The following RRP9 variants were observed in gnomAD, a reference collection of about 807,000 sequenced individuals.
RRP9 encodes the protein U3 small nucleolar RNA-interacting protein 2.
In RRP9, 35 loss-of-function variants were observed where a neutral mutation model predicts 65.5. The ratio of observed to expected loss-of-function variants is 0.53; its 90% CI spans 0.41 to 0.71. The LOEUF is 0.71. RRP9 is among the 30% of genes least tolerant of loss of function. RRP9 has a pLI of 0.00. For synonymous variants in RRP9, 254 were observed against 245.0 expected (o/e 1.04, Z -0.34); for missense variants, 533 against 633.6 (o/e 0.84, Z 1.70).
chr3:51,938,697 G>C (rs534768063), intron 2 of RRP9, among the ~76,000 whole-genome samples: 3 of 152,306 alleles, frequency 2.0e-5, no homozygotes, highest in South Asian at 2.1e-4. Context: ...TTTTTCTTTA[G>C]GAAGGATAGA....
chr3:51,941,881 C>A lies in RRP9; in HGVS notation c.-14G>T, dbSNP rs747694297. ...TGTTGCCGACATGCTGCCCACCAGGCGTGTAGCAGCGGCCGCAGAACTCAC... is the reference window on the plus strand; with the variant it reads ...TGTTGCCGACATGCTGCCCACCAGGAGTGTAGCAGCGGCCGCAGAACTCAC... On this transcript the variant is annotated 5_prime_UTR_variant, in exon 1 of 15. Transcript: ENST00000232888. 9.6e-6 allele frequency: 15 copies of A among 1,564,930 alleles called. No individual in the cohort carries two copies. In the Admixed American group the frequency reaches 1.4e-4, roughly 15 times the overall value.
intron 3 of RRP9, 65 bp downstream of exon 3, chr3:51,938,030 A>C: frequency 7.6e-7 from 1 of 1,313,268 alleles, no homozygotes; most frequent in Admixed American, 2.2e-5. Flanking sequence ...CTGGGGCTGC[A>C]GCGGCGGGCA....
rs1431747774 is a variant in RRP9, at chr3:51,937,429, C to T, written c.391-111G>A. The T allele has an allele frequency of 1.2e-6, 2 of 1,605,608 alleles. No individual in the cohort carries two copies. The highest frequency in any genetic ancestry group is 1.7e-5 in the Admixed American group (1 of 59,930). On this transcript the variant is annotated intron_variant, in intron 5 of 14. Transcript: ENST00000232888. This position sits in a 1 kb window ranked among gnomAD's most constrained non-coding sequence, Gnocchi z 5.0. ...CACCCAGGCCAGAAGGAAAACAAGACCCAAGGCTACAACAACCAGATCCTT... is the reference window on the plus strand; with the variant it reads ...CACCCAGGCCAGAAGGAAAACAAGATCCAAGGCTACAACAACCAGATCCTT...
At chr3:51,936,077 T>C (rs1455012613) in intron 8 of RRP9, among the ~76,000 whole-genome samples, 180 bp downstream of exon 8, 1 of 151,980 alleles carries the variant, frequency 6.6e-6, no homozygotes, top group Non-Finnish European at 1.5e-5. Context: ...CTCGGCCCGG[T>C]CTCCCCCAGC....
In RRP9 at chr3:51,933,496, G is replaced by A. The variant is rs1006915403; in HGVS notation, c.*10C>T. Reference sequence around the variant, plus strand: ...GCCTGGGAAGGACTTAAATAAGGAGGATAAGAGTGTCAGGAACCAGCAGCT... The same window carrying A: ...GCCTGGGAAGGACTTAAATAAGGAGAATAAGAGTGTCAGGAACCAGCAGCT... On this transcript the variant is annotated 3_prime_UTR_variant, in exon 15 of 15. Transcript: ENST00000232888. 3.7e-6 allele frequency: 6 copies of A among 1,609,192 alleles called. No homozygotes were observed. The highest frequency in any genetic ancestry group is 2.2e-5 in the East Asian group (1 of 44,844).
At chr3:51,935,288 C>A in intron 10 of RRP9, 29 bp from the exon 11 acceptor site, 1 of 1,614,130 alleles carries the variant, frequency 6.2e-7, no homozygotes, top group Non-Finnish European at 8.5e-7. Context: ...AGGAGCGTGG[C>A]CCAAGCCCAC....
intron 13 of RRP9, among the ~76,000 whole-genome samples, 197 bp from the exon 14 acceptor site, chr3:51,933,978 CG>C (rs1699421766): frequency 6.6e-6 from 1 of 152,172 alleles, no homozygotes; most frequent in African/African-American, 2.4e-5. Flanking sequence ...AAGCAGAGCA[CG>C]GGGCTAGCAG....
At chr3:51,941,639 C>T (rs1477007852) in intron 1 of RRP9, 142 bp downstream of exon 1, 2 of 1,094,482 alleles carry the variant, frequency 1.8e-6, no homozygotes, top group African/African-American at 3.1e-5. Context: ...AGGATTTGGC[C>T]CGCGGAGAGA....
rs1368669243 is a variant in RRP9 at position 51,941,864 on chromosome 3, A to G, written c.4T>C (p.Ser2Pro). The part of the protein sequence containing the change: M[S>P]ATAAARKRGK... ...CGCTTACGAGCAGCCGCTGTTGCCG[A>G]CATGCTGCCCACCAGGCGTGTAGCA... is the stretch of plus-strand genomic sequence containing the variant. Residue 2 changes from serine (S) to proline (P), a missense_variant, in exon 1 of 15, where the codon TCG becomes CCG. Transcript: ENST00000232888. 6 of 1,580,618 alleles carry G rather than the reference A, an allele frequency of 3.8e-6. No homozygotes were observed. Among genetic ancestry groups the G allele is most frequent in the Non-Finnish European group, 3.4e-6 (4 of 1,171,298 alleles).
intron 10 of RRP9, 35 bp from the exon 11 acceptor site, chr3:51,935,294 C>T (rs370277390): frequency 1.9e-5 from 31 of 1,613,992 alleles, no homozygotes; most frequent in Non-Finnish European, 2.5e-5. Context: ...GTGGCCCAAG[C>T]CCACCCCCAG....
At chr3:51,939,936 C>G (rs1577652512) in intron 2 of RRP9, among the ~76,000 whole-genome samples, 2 of 152,340 alleles carry the variant, frequency 1.3e-5, no homozygotes, top group African/African-American at 4.8e-5. Context: ...GGCACACACT[C>G]ACCCACAATA....
At chr3:51,935,977 C>T (rs1317010701) in intron 8 of RRP9, among the ~76,000 whole-genome samples, 3 of 152,176 alleles carry the variant, frequency 2.0e-5, no homozygotes, top group East Asian at 1.9e-4. Context: ...TCCTCCATCT[C>T]GGCCTCCCAA....
At chr3:51,936,772 A>G (rs577010026) in intron 6 of RRP9, among the ~76,000 whole-genome samples, 16 of 152,296 alleles carry the variant, frequency 1.1e-4, no homozygotes, top group Non-Finnish European at 1.8e-4. Context: ...AAAGCCCAAA[A>G]AAGAGAAGGG....
intron 13 of RRP9, 48 bp from the exon 14 acceptor site, chr3:51,933,829 C>G (rs746849784): frequency 6.4e-7 from 1 of 1,556,254 alleles, no homozygotes; most frequent in Non-Finnish European, 8.9e-7. Context: ...CCCCCGCCAC[C>G]ACCGTCCTCA....
chr3:51,938,277 T>G, intron 2 of RRP9, 73 bp from the exon 3 acceptor site: 1 of 1,127,810 alleles, frequency 8.9e-7, no homozygotes, highest in Non-Finnish European at 1.3e-6. Context: ...GCCTTCTGGA[T>G]GCTCACCTTG....
In RRP9 at chr3:51,937,249, C is replaced by T. The variant is rs780800694; in HGVS notation, c.460G>A (p.Val154Ile). The T allele has an allele frequency of 6.2e-5, 100 of 1,613,970 alleles. 1 individual carries two copies. In the Middle Eastern group the frequency reaches 2.0e-3, roughly 32 times the overall value. ...GHQLSITCLV[V>I]TPDDSAIFSA... ...AAGATGGCTGAGTCATCGGGGGTGA[C>T]GACCAAACATGTGATAGAGAGCTGG... The change falls in exon 6 of 15, where the codon GTC becomes ATC. Residue 154 changes from valine (V) to isoleucine (I), a missense_variant. Val to Ile is a conservative substitution (Grantham distance 29). Transcript: ENST00000232888. The surrounding 1 kb of genome is among the most constrained non-coding windows in gnomAD (Gnocchi z 5.0).
chr3:51,941,324 G>T, intron 2 of RRP9, 85 bp downstream of exon 2: 1 of 1,131,136 alleles, frequency 8.8e-7, no homozygotes, highest in Non-Finnish European at 1.3e-6. Context: ...TGGATTCTAG[G>T]CTCAGTTCTG....
In RRP9 at chr3:51,934,347, T is replaced by C. The variant is rs770293828; in HGVS notation, c.1260+125A>G. Reference sequence around the variant, plus strand: ...TGGGGAGGGTTCCTGCCAGGCCCTGTGCTAGGAGCTGGCCCTGCCCTGAGA... The same window carrying C: ...TGGGGAGGGTTCCTGCCAGGCCCTGCGCTAGGAGCTGGCCCTGCCCTGAGA... On this transcript the variant is annotated intron_variant, in intron 13 of 14. Coordinates refer to ENST00000232888, the MANE Select transcript of RRP9 (RefSeq NM_004704.5). The surrounding 1 kb of genome is among the most constrained non-coding windows in gnomAD (Gnocchi z 4.1). The C allele has an allele frequency of 3.2e-6, 3 of 935,520 alleles. No individual in the cohort carries two copies. The highest frequency in any genetic ancestry group is 4.8e-6 in the Non-Finnish European group (3 of 622,784). The allele number at this position is 935,520 out of a possible 1,614,324, so 58.0% of individuals were successfully genotyped here.
intron 6 of RRP9, 100 bp from the exon 7 acceptor site, chr3:51,936,655 G>T: frequency 7.6e-7 from 1 of 1,316,696 alleles, no homozygotes; most frequent in Non-Finnish European, 1.1e-6. Context: ...CATGGCAAAT[G>T]TCCCGGACTC....
Sources: allele counts gnomAD v4.1 joint callset (sites outside exome capture counted in the v4.1 genomes callset), GRCh38; gene constraint gnomAD v4.1.1; non-coding constraint Gnocchi (gnomAD v3.1); transcripts MANE v1.5; gene names NCBI Gene and HGNC (gene_info 2026-07-23, HGNC 2026-07-21).